DSCAML1: variants seen among roughly 807,000 people sequenced by gnomAD.
DSCAML1 encodes the protein cell adhesion molecule DSCAML1.
DSCAML1 carries 38 observed loss-of-function variants against 200.5 expected under a neutral mutation model. The observed-to-expected ratio is 0.19, with a 90% CI of 0.15 to 0.25. DSCAML1 has a LOEUF of 0.25. Ranked by LOEUF, DSCAML1 falls within the 10% of genes least tolerant of loss-of-function variation. The probability of loss-of-function intolerance (pLI) is 1.00; values close to 1 mark genes in which losing one functional copy is unlikely to be tolerated. For missense variants in DSCAML1, 2,223 were observed against 2,858.8 expected, an observed-to-expected ratio of 0.78 and a Z score of 5.07; for synonymous variants, 1,215 against 1,165.0, an observed-to-expected ratio of 1.04 and a Z score of -0.87.
chr11:117,766,016 A>G (rs1352958332), intron 3 of DSCAML1, among the ~76,000 whole-genome samples: 6 of 152,172 alleles, frequency 3.9e-5, no homozygotes, highest in Admixed American at 6.5e-5. Context: ...CATCCATCCC[A>G]TTTACAACTT....
At chr11:117,507,000 C>A (rs778367740) in intron 8 of DSCAML1, among the ~76,000 whole-genome samples, 1 of 152,124 alleles carries the variant, frequency 6.6e-6, no homozygotes, top group Non-Finnish European at 1.5e-5. Context: ...CAGCCTGCAC[C>A]CCCCTGCCAA....
chr11:117,751,117 G>T (rs1287558933), intron 3 of DSCAML1, among the ~76,000 whole-genome samples: 1 of 152,136 alleles, frequency 6.6e-6, no homozygotes, highest in South Asian at 2.1e-4. Flanking sequence ...TTGTGTGTGC[G>T]CAGGCGTGTT....
At chr11:117,478,665 A>T (rs1207783745) in intron 14 of DSCAML1, among the ~76,000 whole-genome samples, 1 of 152,102 alleles carries the variant, frequency 6.6e-6, no homozygotes, top group Non-Finnish European at 1.5e-5. Context: ...GTCCCAAAGC[A>T]CCTTTGTAGA....
intron 3 of DSCAML1, among the ~76,000 whole-genome samples, chr11:117,699,471 G>A (rs1231091339): frequency 6.6e-6 from 1 of 152,208 alleles, no homozygotes; most frequent in Non-Finnish European, 1.5e-5. Flanking sequence ...GGCAAAGTCC[G>A]AAGGGAGGTG....
chr11:117,742,058 G>A (rs2054431505), intron 3 of DSCAML1, among the ~76,000 whole-genome samples: 1 of 152,176 alleles, frequency 6.6e-6, no homozygotes, highest in Non-Finnish European at 1.5e-5. Flanking sequence ...CTGACCTTGG[G>A]TCTTTGGACG....
intron 3 of DSCAML1, among the ~76,000 whole-genome samples, chr11:117,595,974 T>C (rs1351128145): frequency 1.3e-5 from 2 of 152,160 alleles, no homozygotes; most frequent in Non-Finnish European, 2.9e-5. Context: ...ATTAATAAAT[T>C]CTTTTTTGTT....
chr11:117,437,340 T>C lies in DSCAML1; in HGVS notation c.4502A>G (p.Gln1501Arg). 1.9e-6 allele frequency: 3 copies of C among 1,614,256 alleles called. No homozygotes were observed. The highest frequency in any genetic ancestry group is 1.1e-5 in the South Asian group (1 of 91,092). Residue 1501 changes from glutamine (Q) to arginine (R), a missense_variant, in exon 26 of 33, where the codon CAG (glutamine) becomes CGG (arginine). Transcript: ENST00000651296. This position sits in a 1 kb window ranked among gnomAD's most constrained non-coding sequence, Gnocchi z 5.3. ...AGGGCAGCCCCCATTGTTCCAGCCC[T>C]GCAGGTTAAGCCGAGCATGCGTGGA... is the stretch of plus-strand genomic sequence containing the variant. ...INSTHARLNLQGWNNGGCPIT... is the reference protein window; with the variant it reads ...INSTHARLNLRGWNNGGCPIT...
intron 3 of DSCAML1, among the ~76,000 whole-genome samples, chr11:117,687,904 C>T (rs934068129): frequency 1.9e-4 from 29 of 152,282 alleles, no homozygotes; most frequent in Admixed American, 8.5e-4. Flanking sequence ...CACATTTGTC[C>T]TCATGGCCAG....
At chr11:117,741,106 T>A (rs1424148158) in intron 3 of DSCAML1, among the ~76,000 whole-genome samples, 1 of 152,256 alleles carries the variant, frequency 6.6e-6, no homozygotes, top group African/African-American at 2.4e-5. Context: ...TAGGTGCTTT[T>A]GACAGAGATG....
At chr11:117,461,981 C>T (rs887434662) in intron 17 of DSCAML1, among the ~76,000 whole-genome samples, 1 of 152,190 alleles carries the variant, frequency 6.6e-6, no homozygotes, top group Non-Finnish European at 1.5e-5. Context: ...GGAAGGCCAC[C>T]AAGCCAGCCC....
chr11:117,618,249 G>A (rs1353713833), intron 3 of DSCAML1, among the ~76,000 whole-genome samples: 1 of 152,178 alleles, frequency 6.6e-6, no homozygotes, highest in Non-Finnish European at 1.5e-5. Context: ...GATGGTTGTT[G>A]AGTCTTTGCT....
intron 4 of DSCAML1, among the ~76,000 whole-genome samples, chr11:117,527,097 G>GGCTGCAGTGAGCTATGATTGT (rs1197764823): frequency 6.6e-6 from 1 of 152,202 alleles, no homozygotes; most frequent in Non-Finnish European, 1.5e-5. Context: ...AGAGATGTGA[G>GGCTGCAGTGAGCTATGATTGT]GCTGCAGTGA....
At chr11:117,684,348 C>G (rs2053364964) in intron 3 of DSCAML1, among the ~76,000 whole-genome samples, 1 of 151,058 alleles carries the variant, frequency 6.6e-6, no homozygotes, top group African/African-American at 2.4e-5. Context: ...TTGCTCAGAA[C>G]CTACCTCTTC....
At position 117,504,953 on chromosome 11, in the gene DSCAML1, G is replaced by C; in HGVS notation, c.2153C>G (p.Pro718Arg). The C allele has an allele frequency of 6.2e-7, 1 of 1,609,934 alleles. No individual in the cohort carries two copies. Among genetic ancestry groups the C allele is most frequent in the Non-Finnish European group, 8.5e-7 (1 of 1,177,508 alleles). Reference sequence around the variant, plus strand: ...GGCATGCTTCCACATGACCTTGGGTGGGGGGTAGCCGTCCACCGAGCAGTT... The same window carrying C: ...GGCATGCTTCCACATGACCTTGGGTCGGGGGTAGCCGTCCACCGAGCAGTT... ...VLNCSVDGYP[P>R]PKVMWKHAKG... The change falls in exon 10 of 33, where the codon CCA becomes CGA. Residue 718 changes from proline (P) to arginine (R), a missense_variant. Coordinates refer to ENST00000651296, the MANE Select transcript of DSCAML1 (RefSeq NM_020693.4). The surrounding 1 kb of genome is among the most constrained non-coding windows in gnomAD (Gnocchi z 5.0).
At chr11:117,794,275 A>T (rs562450513) in intron 1 of DSCAML1, among the ~76,000 whole-genome samples, 1 of 152,304 alleles carries the variant, frequency 6.6e-6, no homozygotes, top group African/African-American at 2.4e-5. Flanking sequence ...GGCAACACAG[A>T]TGCTGGCACG....
chr11:117,718,325 C>T (rs573109144), intron 3 of DSCAML1, among the ~76,000 whole-genome samples: 1 of 152,318 alleles, frequency 6.6e-6, no homozygotes, highest in Non-Finnish European at 1.5e-5. Context: ...TCAGTGACTC[C>T]AGGCAGCTCC....
chr11:117,518,313 G>T lies in DSCAML1; in HGVS notation c.1510+153C>A. ...GAATGGATGATGGCGCTTGAGGAGG[G>T]CAGGAAAAGGGGACGAGAGAGGGGA... is the stretch of plus-strand genomic sequence containing the variant. On this transcript the variant is annotated intron_variant, in intron 7 of 32. Coordinates refer to ENST00000651296, the MANE Select transcript of DSCAML1 (RefSeq NM_020693.4). This position sits in a 1 kb window ranked among gnomAD's most constrained non-coding sequence, Gnocchi z 6.3. 1 of 1,011,012 alleles carries T rather than the reference G, an allele frequency of 9.9e-7. No individual in the cohort carries two copies. Among genetic ancestry groups the T allele is most frequent in the Non-Finnish European group, 1.5e-6 (1 of 670,710 alleles). 62.6% of individuals were successfully genotyped at this position (1,011,012 alleles called of 1,614,324 possible).
Position 117,525,081 on chromosome 11 carries a change from G to C in DSCAML1, c.661C>G (p.Pro221Ala). The C allele has an allele frequency of 1.3e-6, 2 of 1,544,398 alleles. No individual in the cohort carries two copies. Among genetic ancestry groups the C allele is most frequent in the Non-Finnish European group, 1.7e-6 (2 of 1,151,120 alleles). ...SNGARLSVTD[P>A]AESIPTILDG... ...AGGATGGTGGGGATCGACTCAGCAG[G>C]GTCTGGAAGGCAGAGAGGGTCGGCA... Residue 221 changes from proline to alanine, a missense_variant and splice_region_variant, in exon 5 of 33, where the codon CCT becomes GCT. Around this residue, in one of 7 missense-constraint regions of DSCAML1, gnomAD observed 579 missense variants for 721.5 expected, o/e 0.80. Coordinates refer to ENST00000651296, the MANE Select transcript of DSCAML1 (RefSeq NM_020693.4).
At chr11:117,568,819 C>A (rs1202127601) in intron 3 of DSCAML1, among the ~76,000 whole-genome samples, 1 of 152,160 alleles carries the variant, frequency 6.6e-6, no homozygotes, top group Non-Finnish European at 1.5e-5. Context: ...AGATTCAATG[C>A]CATCACCATC....
Sources: allele counts gnomAD v4.1 joint callset (sites outside exome capture counted in the v4.1 genomes callset), GRCh38; gene constraint gnomAD v4.1.1; regional missense constraint gnomAD v4.1.1; non-coding constraint Gnocchi (gnomAD v3.1); transcripts MANE v1.5; gene names NCBI Gene and HGNC (gene_info 2026-07-23, HGNC 2026-07-21).